MYCBPAP: variants seen among roughly 807,000 people sequenced by gnomAD.
The protein encoded by MYCBPAP is MYCBP associated protein.
MYCBPAP carries 60 observed loss-of-function variants against 106.1 expected under a neutral mutation model. The observed-to-expected ratio is 0.57, with a 90% confidence interval of 0.46 to 0.70. The LOEUF is 0.70. Ranked by LOEUF, MYCBPAP falls within the 30% of genes least tolerant of loss-of-function variation. The pLI is 0.00. For missense variants in MYCBPAP, 1,064 were observed against 1,169.3 expected, an observed-to-expected ratio of 0.91 and a Z score of 1.31; for synonymous variants, 407 against 440.6, an observed-to-expected ratio of 0.92 and a Z score of 0.95.
rs1203749818 is a variant in MYCBPAP at position 50,528,592 on chromosome 17, T to C, written c.2408-103T>C. The C allele has an allele frequency of 6.1e-6, 9 of 1,464,166 alleles. No homozygotes were observed. In the East Asian group the frequency reaches 2.2e-4, roughly 36 times the overall value. 90.7% of individuals were successfully genotyped at this position (1,464,166 alleles called of 1,614,324 possible). ...ACGCGCCTACCAGGGCTCAAGGCTA[T>C]TGCCCTTTGCTTTTCCACCTCCCCT... On this transcript the variant is annotated intron_variant, in intron 16 of 18. Coordinates refer to ENST00000323776, the MANE Select transcript of MYCBPAP (RefSeq NM_032133.6).
At chr17:50,514,880 A>G (rs372607151) in intron 1 of MYCBPAP, 2 of 452,132 alleles carry the variant, frequency 4.4e-6, no homozygotes, top group South Asian at 3.1e-5. Context: ...GGCTCAAGCG[A>G]TCTGCCTGCC....
At chr17:50,509,101 G>A (rs778674023) in intron 1 of MYCBPAP, 1 of 703,000 alleles carries the variant, frequency 1.4e-6, no homozygotes, top group South Asian at 1.5e-5. Flanking sequence ...CCAGGAAAGA[G>A]TTTAAGGGTA....
rs61754787 is a variant in MYCBPAP, at chr17:50,525,014, A to G, written c.1773A>G (p.Arg591=). The change falls in exon 13 of 19, where the codon AGA becomes AGG. Residue 591 remains arginine, a synonymous_variant. Transcript: ENST00000323776. ...YLTEEDLFRH[R]NPPLHYEHQV... is the part of the protein sequence containing the mutation. Reference sequence around the variant, plus strand: ...CCGAGGAAGACTTGTTCCGGCACAGAAATCCTCCGGTGAGGCCCAGCGCCA... The same window carrying G: ...CCGAGGAAGACTTGTTCCGGCACAGGAATCCTCCGGTGAGGCCCAGCGCCA... 2.3e-3 allele frequency: 3,700 copies of G among 1,612,804 alleles called. 80 individuals carry two copies. The African/African-American group carries it at 0.042, about 18-fold the overall frequency.
chr17:50,514,266 TA>T (rs1057425364), intron 1 of MYCBPAP, among the ~76,000 whole-genome samples: 1 of 152,140 alleles, frequency 6.6e-6, no homozygotes, highest in Admixed American at 6.5e-5. Context: ...GGAAATTTCC[TA>T]AAAAAAGTTG....
At position 50,526,030 on chromosome 17, in the gene MYCBPAP, G is replaced by A; in HGVS notation, c.1932G>A (p.Leu644=). The A allele has an allele frequency of 6.2e-7, 1 of 1,614,006 alleles. No individual in the cohort carries two copies. The highest frequency in any genetic ancestry group is 8.5e-7 in the Non-Finnish European group (1 of 1,180,048). ...ATEKASVNAE[L]LPRFRSPISE... The stretch of plus-strand genomic sequence containing the variant: ...AGAAGGCCTCTGTGAATGCTGAGCT[G>A]TTACCACGCTTTAGGAGCCCCATCT... Residue 644 remains leucine, a synonymous_variant, in exon 14 of 19, where the codon CTG becomes CTA. Coordinates refer to ENST00000323776, the MANE Select transcript of MYCBPAP (RefSeq NM_032133.6).
In MYCBPAP at chr17:50,519,118, G is replaced by T. The variant is rs748788201; in HGVS notation, c.768+29G>T. 3.9e-6 allele frequency: 6 copies of T among 1,547,678 alleles called. No individual in the cohort carries two copies. In the Admixed American group the frequency reaches 5.2e-5, roughly 13 times the overall value. On this transcript the variant is annotated intron_variant, in intron 6 of 18. Coordinates refer to ENST00000323776, the MANE Select transcript of MYCBPAP (RefSeq NM_032133.6). ...AGGCCACCTGTCCTAAGTGCCCGGG[G>T]GCAGGGGGGTCCATGGAGGAGGGGG...
intron 7 of MYCBPAP, 41 bp downstream of exon 7, chr17:50,519,828 G>T (rs2034193842): frequency 7.5e-6 from 12 of 1,593,272 alleles, no homozygotes; most frequent in Non-Finnish European, 1.0e-5. Flanking sequence ...TCTTGTGCCT[G>T]GCCCGGAGGC....
chr17:50,521,814 T>C (rs1000079395), intron 9 of MYCBPAP, among the ~76,000 whole-genome samples, 159 bp from the exon 10 acceptor site: 6 of 152,186 alleles, frequency 3.9e-5, no homozygotes, highest in Non-Finnish European at 7.3e-5. Context: ...TCTACAGCAA[T>C]GGGTCAGGAG....
chr17:50,525,951 A>C lies in MYCBPAP; in HGVS notation c.1853A>C (p.Lys618Thr). Reference protein sequence around the residue: ...LWRQYMTLPAKAEEARPGDKE... With the variant: ...LWRQYMTLPATAEEARPGDKE... ...CGCCAGTACATGACCCTGCCCGCCAAGGCTGAGGAGGCCAGGCCAGGGGAC... is the reference window on the plus strand; with the variant it reads ...CGCCAGTACATGACCCTGCCCGCCACGGCTGAGGAGGCCAGGCCAGGGGAC... The change falls in exon 14 of 19, where the codon AAG (lysine) becomes ACG (threonine). Residue 618 changes from lysine to threonine, a missense_variant. Lys to Thr is a moderately conservative substitution (Grantham distance 78). Coordinates refer to ENST00000323776, the MANE Select transcript of MYCBPAP (RefSeq NM_032133.6). The C allele has an allele frequency of 6.2e-7, 1 of 1,613,716 alleles. No homozygotes were observed. The highest frequency in any genetic ancestry group is 8.5e-7 in the Non-Finnish European group (1 of 1,180,006).
upstream of MYCBPAP, among the ~76,000 whole-genome samples, chr17:50,507,855 C>A (rs1370807166): frequency 2.0e-5 from 3 of 152,092 alleles, no homozygotes; most frequent in Admixed American, 2.0e-4. Flanking sequence ...CACAAAAAAC[C>A]GAAATAATCC....
intron 18 of MYCBPAP, chr17:50,530,405 T>A: frequency 5.3e-6 from 1 of 189,694 alleles, no homozygotes; most frequent in South Asian, 6.9e-5. Context: ...TGAGGCACAA[T>A]AATCGCTTGA....
intron 3 of MYCBPAP, 64 bp downstream of exon 3, chr17:50,517,516 C>G (rs778187345): frequency 6.2e-7 from 1 of 1,613,752 alleles, no homozygotes; most frequent in Non-Finnish European, 8.5e-7. Context: ...CAAGAGAAAC[C>G]CAGTCTCCAT....
rs2034088350 is a variant in MYCBPAP, at chr17:50,517,332, G to A, written c.244G>A (p.Val82Ile). The A allele has an allele frequency of 6.2e-7, 1 of 1,614,142 alleles. No individual in the cohort carries two copies. Among genetic ancestry groups the A allele is most frequent in the Non-Finnish European group, 8.5e-7 (1 of 1,180,026 alleles). ...CCTTACTGAAAAGGAAGATAAACGT[G>A]TCATCACCCAGAAATTTATCATCCG... ...PRLTEKEDKR[V>I]ITQKFIIRKL... The change falls in exon 3 of 19, where the codon GTC becomes ATC. Residue 82 changes from valine (V) to isoleucine (I), a missense_variant. Coordinates refer to ENST00000323776, the MANE Select transcript of MYCBPAP (RefSeq NM_032133.6).
At chr17:50,525,218 T>C in intron 13 of MYCBPAP, 195 bp downstream of exon 13, 2 of 595,160 alleles carry the variant, frequency 3.4e-6, no homozygotes, top group East Asian at 6.0e-5. Context: ...ATGCGAGGGA[T>C]GGAAATTGTA....
chr17:50,523,051 G>T lies in MYCBPAP; in HGVS notation c.1370G>T (p.Arg457Leu), dbSNP rs772750581. Reference sequence around the variant, plus strand: ...ACCGTGGCCATTTGGTATGACTGGCGACGGCAGCACCAGCCGGACACTTTC... The same window carrying T: ...ACCGTGGCCATTTGGTATGACTGGCTACGGCAGCACCAGCCGGACACTTTC... ...NGTVAIWYDW[R>L]RQHQPDTFQD... The change falls in exon 11 of 19, where the codon CGA becomes CTA. Residue 457 changes from arginine (R) to leucine (L), a missense_variant. By Grantham distance (102) the Arg-to-Leu change is moderately radical (BLOSUM62 -2). Transcript: ENST00000323776. The T allele has an allele frequency of 6.2e-6, 10 of 1,613,976 alleles. No homozygotes were observed. In the South Asian group the frequency reaches 1.1e-4, roughly 18 times the overall value.
At chr17:50,521,913 G>T in intron 9 of MYCBPAP, 60 bp from the exon 10 acceptor site, 2 of 1,509,780 alleles carry the variant, frequency 1.3e-6, no homozygotes, top group Non-Finnish European at 9.2e-7. Context: ...TTTCTGTGGG[G>T]TTCCACATGG....
chr17:50,521,899 A>G, intron 9 of MYCBPAP, 74 bp from the exon 10 acceptor site: 5 of 1,390,362 alleles, frequency 3.6e-6, no homozygotes, highest in Non-Finnish European at 5.1e-6. Context: ...CTTCCTGGTG[A>G]CCGTTTCTGT....
intron 1 of MYCBPAP, chr17:50,509,464 C>A (rs2033740734): frequency 3.8e-6 from 1 of 262,642 alleles, no homozygotes; most frequent in African/African-American, 2.2e-5. Context: ...TCACTTGCAA[C>A]CCACCCCCTT....
chr17:50,522,709 A>AAAAAAAAAAAAAATTATATATATATAT, intron 10 of MYCBPAP: 1 of 50,016 alleles, frequency 2.0e-5, no homozygotes, highest in Non-Finnish European at 3.4e-5. Context: ...AAAAAAAAAA[A>AAAAAAAAAAAAAATTATATATATATAT]ATATATATAT....
Sources: allele counts gnomAD v4.1 joint callset (sites outside exome capture counted in the v4.1 genomes callset), GRCh38; gene constraint gnomAD v4.1.1; transcripts MANE v1.5; gene names NCBI Gene and HGNC (gene_info 2026-07-23, HGNC 2026-07-21).